Variants in CCDC172 observed in about 807,000 individuals in gnomAD.
CCDC172 encodes coiled-coil domain-containing protein 172.
In CCDC172, 30 loss-of-function variants were observed where a neutral mutation model predicts 38.0. That is an observed-to-expected ratio of 0.79 (90% CI 0.59 to 1.07). The LOEUF is 1.07. CCDC172 is among the 50% of genes least tolerant of loss of function. The pLI is 0.00. For synonymous variants in CCDC172, 78 were observed against 88.3 expected, an observed-to-expected ratio of 0.88 and a Z score of 0.66; for missense variants, 297 against 290.1, an observed-to-expected ratio of 1.02 and a Z score of -0.17.
At chr10:116,336,538 A>G (rs1270092288) in intron 3 of CCDC172, among the ~76,000 whole-genome samples, 2 of 151,998 alleles carry the variant, frequency 1.3e-5, no homozygotes. Context: ...TCTTTTTTAC[A>G]AAAACCTTAA....
Position 116,357,477 on chromosome 10 carries a change from T to G in CCDC172, c.546T>G (p.Leu182=), listed in dbSNP as rs1845013312. ...AATTATTTACTCTCCAAAGAAAACT[T>G]AAAGGTATTACCTTCATGAGTTAGC... is the stretch of plus-strand genomic sequence containing the variant. The part of the protein sequence containing the change: ...IQELFTLQRK[L]KVFEDEENES... Residue 182 remains leucine (L), a synonymous_variant, in exon 6 of 9, where the codon CTT becomes CTG. Transcript: ENST00000333254. 2 of 1,556,954 alleles carry G rather than the reference T, an allele frequency of 1.3e-6. No individual in the cohort carries two copies. Among genetic ancestry groups the G allele is most frequent in the East Asian group, 4.7e-5 (2 of 42,512 alleles).
intron 6 of CCDC172, among the ~76,000 whole-genome samples, 158 bp from the exon 7 acceptor site, chr10:116,357,678 G>C (rs926502666): frequency 3.6e-4 from 55 of 151,842 alleles, no homozygotes; most frequent in African/African-American, 1.2e-3. Context: ...GATCTTTTTT[G>C]TGCATGTAAT....
chr10:116,339,591 A>G (rs1844769139), intron 3 of CCDC172, among the ~76,000 whole-genome samples: 1 of 151,778 alleles, frequency 6.6e-6, no homozygotes, highest in South Asian at 2.1e-4. Flanking sequence ...ATCTTTCTCT[A>G]TTGATGCCTT....
chr10:116,353,435 G>A (rs912246165), intron 5 of CCDC172, among the ~76,000 whole-genome samples: 6 of 152,244 alleles, frequency 3.9e-5, no homozygotes, highest in Non-Finnish European at 5.9e-5. Context: ...TACTATCAAG[G>A]AAGTGAAAAG....
chr10:116,363,186 A>G (rs1845084459), intron 7 of CCDC172, among the ~76,000 whole-genome samples: 2 of 152,078 alleles, frequency 1.3e-5, no homozygotes, highest in East Asian at 3.9e-4. Context: ...GGAAGATGAC[A>G]GAAAATATGT....
chr10:116,352,630 G>A (rs1235480478), intron 5 of CCDC172, among the ~76,000 whole-genome samples: 1 of 152,006 alleles, frequency 6.6e-6, no homozygotes, highest in Non-Finnish European at 1.5e-5. Context: ...CTGATAGAGG[G>A]CATCTATAGA....
chr10:116,344,881 A>C (rs1256224271), intron 5 of CCDC172, among the ~76,000 whole-genome samples: 2 of 149,310 alleles, frequency 1.3e-5, no homozygotes, highest in Non-Finnish European at 3.0e-5. Flanking sequence ...AAAAAAAAAA[A>C]CCTAAAACAC....
At chr10:116,358,078 C>T in intron 7 of CCDC172, 140 bp downstream of exon 7, 3 of 568,720 alleles carry the variant, frequency 5.3e-6, no homozygotes, top group East Asian at 3.2e-5. Flanking sequence ...TATTCTGACA[C>T]GTGCTAATAA....
At position 116,338,682 on chromosome 10, in the gene CCDC172, G is replaced by A. The variant is rs1312084291; in HGVS notation, c.166-2052G>A. ...TATTCTCCCTTTTAAGAAAGAAGAC[G>A]TGGGCTCAGTGGTAATTTAAGCTCT... On this transcript the variant is annotated intron_variant, in intron 3 of 8. Coordinates refer to ENST00000333254, the MANE Select transcript of CCDC172 (RefSeq NM_198515.3). Among the ~76,000 whole-genome samples, 9 of 152,062 alleles carry A rather than the reference G, an allele frequency of 5.9e-5. No individual in the cohort carries two copies. The East Asian group carries it at 1.2e-3, about 20-fold the overall frequency.
intron 3 of CCDC172, among the ~76,000 whole-genome samples, chr10:116,333,982 C>G (rs1844698904): frequency 6.6e-6 from 1 of 152,004 alleles, no homozygotes; most frequent in South Asian, 2.1e-4. Flanking sequence ...TTGTTATTGC[C>G]TGAATTCATA....
chr10:116,366,359 A>C (rs983187440), intron 7 of CCDC172, among the ~76,000 whole-genome samples: 2 of 152,086 alleles, frequency 1.3e-5, no homozygotes, highest in Non-Finnish European at 2.9e-5. Context: ...TGATTCATTT[A>C]CTTGTGTATA....
Position 116,379,198 on chromosome 10 carries a change from T to G in CCDC172, c.742-125T>G, listed in dbSNP as rs570945371. 5.0e-5 allele frequency: 26 copies of G among 517,778 alleles called. No homozygotes were observed. The East Asian group carries it at 6.4e-4, about 13-fold the overall frequency. The allele number at this position is 517,778 out of a possible 1,614,324, so 32.1% of individuals were successfully genotyped here. A position where few individuals can be genotyped will look rare whatever the true frequency, so the allele number is the denominator to read the frequency against. On this transcript the variant is annotated intron_variant, in intron 8 of 8. Coordinates refer to ENST00000333254, the MANE Select transcript of CCDC172 (RefSeq NM_198515.3). ...ATAAGTTACCTTTGAATTTATTTTT[T>G]TTTATAAAAAATATAATTAAGAAAT...
chr10:116,353,176 G>A (rs564813985), intron 5 of CCDC172, among the ~76,000 whole-genome samples: 2 of 148,990 alleles, frequency 1.3e-5, no homozygotes, highest in South Asian at 4.2e-4. Context: ...CTGGGCGACA[G>A]AGCGAGACTC....
intron 7 of CCDC172, among the ~76,000 whole-genome samples, chr10:116,360,276 G>A (rs1215347914): frequency 6.6e-6 from 1 of 152,032 alleles, no homozygotes; most frequent in Non-Finnish European, 1.5e-5. Context: ...GTCTTAAGAG[G>A]CAGTAAGCAT....
At chr10:116,346,464 G>A (rs10885911) in intron 5 of CCDC172, among the ~76,000 whole-genome samples, 64,817 of 151,726 alleles carry the variant, frequency 0.43, 14,532 homozygotes, top group Admixed American at 0.51. Flanking sequence ...GTAAAGCCAT[G>A]GCAAGCAGAT....
At chr10:116,358,129 A>G (rs545512681) in intron 7 of CCDC172, among the ~76,000 whole-genome samples, 191 bp downstream of exon 7, 8 of 152,266 alleles carry the variant, frequency 5.3e-5, no homozygotes, top group African/African-American at 1.9e-4. Flanking sequence ...ACATAAGTTC[A>G]TGATGCGTTG....
chr10:116,353,497 A>G (rs921427371), intron 5 of CCDC172, among the ~76,000 whole-genome samples: 2 of 152,158 alleles, frequency 1.3e-5, no homozygotes, highest in East Asian at 3.9e-4. Flanking sequence ...AGGGACTTGT[A>G]TTCAGAATAT....
At chr10:116,368,824 A>G (rs182010824) in intron 7 of CCDC172, among the ~76,000 whole-genome samples, 5 of 152,036 alleles carry the variant, frequency 3.3e-5, no homozygotes, top group East Asian at 1.9e-4. Context: ...AATTTACACA[A>G]TCTCCTCCAA....
intron 7 of CCDC172, among the ~76,000 whole-genome samples, chr10:116,364,325 C>T (rs1845098052): frequency 6.6e-6 from 1 of 152,068 alleles, no homozygotes; most frequent in Non-Finnish European, 1.5e-5. Context: ...GCAGAGATGA[C>T]TTATACATGG....
Sources: allele counts gnomAD v4.1 joint callset (sites outside exome capture counted in the v4.1 genomes callset), GRCh38; gene constraint gnomAD v4.1.1; transcripts MANE v1.5; gene names NCBI Gene and HGNC (gene_info 2026-07-23, HGNC 2026-07-21).